MCF2L: variants seen among roughly 807,000 people sequenced by gnomAD.
The protein encoded by MCF2L is MCF.2 cell line derived transforming sequence like.
MCF2L carries 97 observed loss-of-function variants against 153.4 expected under a neutral mutation model. The observed-to-expected ratio is 0.63, with a 90% CI of 0.54 to 0.75. The LOEUF (loss-of-function observed/expected upper bound fraction) is 0.75. MCF2L is among the 30% of genes least tolerant of loss of function. The probability of loss-of-function intolerance (pLI) is 0.00; values close to 1 mark genes in which losing one functional copy is unlikely to be tolerated. For synonymous variants in MCF2L, 659 were observed against 632.2 expected (o/e 1.04, Z -0.64); for missense variants, 1,347 against 1,495.2 (o/e 0.90, Z 1.64).
chr13:113,071,525 A>G (rs1487386743), intron 9 of MCF2L, among the ~76,000 whole-genome samples: 2 of 152,240 alleles, frequency 1.3e-5, no homozygotes, highest in South Asian at 2.1e-4. Flanking sequence ...ATTGAAGTCT[A>G]TGACCTAATT....
At chr13:113,092,799 T>C (rs1477171965) in intron 26 of MCF2L, among the ~76,000 whole-genome samples, 1 of 152,250 alleles carries the variant, frequency 6.6e-6, no homozygotes, top group Non-Finnish European at 1.5e-5. Context: ...CCCCGCGCCC[T>C]GTTCCAGCAC....
At chr13:112,961,360 C>A (rs2081823460) in intron 2 of MCF2L, among the ~76,000 whole-genome samples, 1 of 152,254 alleles carries the variant, frequency 6.6e-6, no homozygotes, top group African/African-American at 2.4e-5. Context: ...CATTTGCCTT[C>A]CCACGAGCAG....
chr13:113,027,016 T>A lies in MCF2L; in HGVS notation c.278+2258T>A. On this transcript the variant is annotated intron_variant, in intron 3 of 29. Transcript: ENST00000535094. The surrounding 1 kb of genome is among the most constrained non-coding windows in gnomAD (Gnocchi z 4.8). ...CACACCAGACAGTGTAGTTGCTGCT[T>A]CCATTTGGGGTATAGTGAACACACA... is the stretch of plus-strand genomic sequence containing the variant. 4 of 778,834 alleles carry A rather than the reference T, an allele frequency of 5.1e-6. No individual in the cohort carries two copies. The highest frequency in any genetic ancestry group is 9.6e-6 in the Non-Finnish European group (4 of 417,840). The allele number at this position is 778,834 out of a possible 1,614,324, so 48.2% of individuals were successfully genotyped here.
At chr13:113,089,827 G>A (rs779279177) in intron 26 of MCF2L, 99 bp downstream of exon 26, 1 of 1,608,486 alleles carries the variant, frequency 6.2e-7, no homozygotes, top group South Asian at 1.1e-5. Flanking sequence ...CCTGCAGTGT[G>A]AAGAAGCTTT....
rs2085742065 is a variant in MCF2L at position 113,031,835 on chromosome 13, G to A, written c.278+7077G>A. Among the ~76,000 whole-genome samples, 1 of 151,126 alleles carries A rather than the reference G, an allele frequency of 6.6e-6. No individual in the cohort carries two copies. Among genetic ancestry groups the A allele is most frequent in the South Asian group, 2.1e-4 (1 of 4,744 alleles). On this transcript the variant is annotated intron_variant, in intron 3 of 29. Transcript: ENST00000535094. This position sits in a 1 kb window ranked among gnomAD's most constrained non-coding sequence, Gnocchi z 5.5. ...ATAAGAGGCATGTACACATACAGAT[G>A]CACACACGCACCTACACAGGCTTGC... is the stretch of plus-strand genomic sequence containing the variant.
At chr13:113,091,059 G>A (rs1252556922) in intron 26 of MCF2L, 29 of 1,296,052 alleles carry the variant, frequency 2.2e-5, no homozygotes, top group South Asian at 3.7e-5. Context: ...CCTCCTCGCC[G>A]CCTCCCTCCG....
intron 2 of MCF2L, chr13:112,909,211 C>A (rs770628932): frequency 2.6e-6 from 2 of 779,504 alleles, no homozygotes; most frequent in South Asian, 2.7e-5. Flanking sequence ...CTGTAACCAA[C>A]CTCTCCCCAG....
chr13:113,060,983 C>T (rs1301423613), intron 5 of MCF2L, among the ~76,000 whole-genome samples: 3 of 151,522 alleles, frequency 2.0e-5, no homozygotes, highest in African/African-American at 4.9e-5. Flanking sequence ...CCCATCAGGA[C>T]GCGGGTCACG....
chr13:113,002,939 C>G (rs1440965954), intron 1 of MCF2L, among the ~76,000 whole-genome samples: 1 of 151,458 alleles, frequency 6.6e-6, no homozygotes, highest in East Asian at 1.9e-4. Context: ...GAGGCCAAGG[C>G]TAGAGGATCG....
At chr13:113,087,181 C>A in intron 21 of MCF2L, 54 bp from the exon 22 acceptor site, 1 of 1,467,420 alleles carries the variant, frequency 6.8e-7, no homozygotes, top group Non-Finnish European at 9.4e-7. Flanking sequence ...CGATGCGCGT[C>A]CATGGCCCCA....
chr13:113,040,055 A>T (rs2086381883), intron 3 of MCF2L, among the ~76,000 whole-genome samples: 1 of 152,254 alleles, frequency 6.6e-6, no homozygotes, highest in Admixed American at 6.5e-5. Flanking sequence ...TAACCCAGCA[A>T]CAAGAATGAA....
chr13:113,066,016 C>A, intron 7 of MCF2L, 30 bp from the exon 8 acceptor site: 1 of 1,606,828 alleles, frequency 6.2e-7, no homozygotes, highest in East Asian at 2.2e-5. Flanking sequence ...CTGGACGGGG[C>A]CGGGACATGA....
intron 1 of MCF2L, among the ~76,000 whole-genome samples, chr13:112,895,440 C>T (rs553850597): frequency 2.0e-5 from 3 of 152,242 alleles, no homozygotes; most frequent in African/African-American, 7.2e-5. Flanking sequence ...TGCAGAGTGT[C>T]GGTGTGGTCC....
intron 2 of MCF2L, among the ~76,000 whole-genome samples, chr13:112,938,820 C>T (rs2140657643): frequency 6.6e-6 from 1 of 152,186 alleles, no homozygotes; most frequent in East Asian, 1.9e-4. Flanking sequence ...ACGCTGTGGC[C>T]AGGCAGGAGA....
chr13:113,052,044 A>G (rs4907578), intron 4 of MCF2L, among the ~76,000 whole-genome samples: 55,989 of 152,120 alleles, frequency 0.37, 10,678 homozygotes, highest in South Asian at 0.43. Flanking sequence ...CAGAATTGCT[A>G]AAAGAATCCA....
chr13:112,905,175 G>C (rs2081160070), intron 2 of MCF2L, among the ~76,000 whole-genome samples: 1 of 152,166 alleles, frequency 6.6e-6, no homozygotes, highest in African/African-American at 2.4e-5. Context: ...TCTGCAGAAG[G>C]GTGCTGCTCA....
chr13:112,944,233 G>A (rs563916823), intron 2 of MCF2L, among the ~76,000 whole-genome samples: 3 of 148,822 alleles, frequency 2.0e-5, no homozygotes, highest in Non-Finnish European at 3.0e-5. Flanking sequence ...TGGGCTGTGA[G>A]GGGAGGGTCC....
intron 24 of MCF2L, 48 bp downstream of exon 24, chr13:113,088,453 G>A (rs1275286619): frequency 1.9e-6 from 3 of 1,609,508 alleles, no homozygotes; most frequent in Non-Finnish European, 2.6e-6. Flanking sequence ...CGCTCCAGGT[G>A]CATTTTTACC....
chr13:112,928,589 C>G (rs748529589), intron 2 of MCF2L, among the ~76,000 whole-genome samples: 1 of 152,176 alleles, frequency 6.6e-6, no homozygotes, highest in African/African-American at 2.4e-5. Context: ...GTCATGATGA[C>G]TGTCTACTCC....
Sources: gnomAD v4.1 joint callset for allele counts (sites outside exome capture counted in the v4.1 genomes callset) on GRCh38, gnomAD v4.1.1 for gene constraint, Gnocchi (gnomAD v3.1) non-coding constraint, MANE v1.5 for transcripts, NCBI Gene and HGNC (gene_info 2026-07-23, HGNC 2026-07-21) for gene names.